The following MEGF10 variants were observed in gnomAD, a reference collection of about 807,000 sequenced individuals.
MEGF10 encodes multiple epidermal growth factor-like domains protein 10.
MEGF10 carries 86 observed loss-of-function variants against 147.5 expected under a neutral mutation model. The observed-to-expected ratio is 0.58, with a 90% CI of 0.49 to 0.70. The LOEUF (loss-of-function observed/expected upper bound fraction) is 0.70, where lower values mean the gene tolerates loss of function less well. Among genes scored for constraint, MEGF10 ranks in the 30% least tolerant of loss-of-function variants. The pLI is 0.00. For synonymous variants in MEGF10, 478 were observed against 525.5 expected, an observed-to-expected ratio of 0.91 and a Z score of 1.24; for missense variants, 1,329 against 1,487.3, an observed-to-expected ratio of 0.89 and a Z score of 1.75.
intron 5 of MEGF10, 81 bp from the exon 6 acceptor site, chr5:127,396,451 C>T: frequency 1.4e-6 from 2 of 1,462,896 alleles, no homozygotes; most frequent in East Asian, 2.4e-5. Flanking sequence ...TGAGAGGTCA[C>T]CAAGCCATTC....
intron 4 of MEGF10, among the ~76,000 whole-genome samples, chr5:127,354,962 T>C (rs1762228141): frequency 2.0e-5 from 3 of 152,076 alleles, no homozygotes; most frequent in Admixed American, 2.0e-4. Flanking sequence ...GAACTGAAGA[T>C]AGTTTCTTTC....
chr5:127,454,302 T>G (rs1261880252), intron 22 of MEGF10, among the ~76,000 whole-genome samples: 1 of 152,202 alleles, frequency 6.6e-6, no homozygotes, highest in African/African-American at 2.4e-5. Flanking sequence ...GTATACTGAT[T>G]TATCTCTGGG....
the MEGF10 span, among the ~76,000 whole-genome samples, chr5:127,238,802 T>C: frequency 1.3e-5 from 2 of 150,028 alleles, no homozygotes; most frequent in Non-Finnish European, 2.9e-5. Context: ...AAATGATCTG[T>C]GTAAATGTCT....
chr5:127,388,804 C>G (rs1763537848), intron 5 of MEGF10, among the ~76,000 whole-genome samples: 1 of 152,190 alleles, frequency 6.6e-6, no homozygotes, highest in African/African-American at 2.4e-5. Context: ...CTCAGCCTCC[C>G]AAAGTGCTGG....
chr5:127,311,843 TA>T (rs1487646562), intron 1 of MEGF10, among the ~76,000 whole-genome samples: 3 of 152,300 alleles, frequency 2.0e-5, no homozygotes, highest in African/African-American at 7.2e-5. Context: ...AATGCAACGT[TA>T]AATTCCTGAA....
chr5:127,427,060 A>C (rs1445217872), intron 13 of MEGF10, among the ~76,000 whole-genome samples: 1 of 152,242 alleles, frequency 6.6e-6, no homozygotes, highest in Non-Finnish European at 1.5e-5. Context: ...GAAATCCCTC[A>C]GGATGTACTC....
intron 19 of MEGF10, 43 bp downstream of exon 19, chr5:127,443,169 G>A (rs750696810): frequency 1.9e-6 from 3 of 1,569,106 alleles, no homozygotes; most frequent in Non-Finnish European, 1.7e-6. Context: ...AGTATTGTGT[G>A]AACACCATGT....
chr5:127,392,678 C>G (rs556414221), intron 5 of MEGF10, among the ~76,000 whole-genome samples: 1 of 152,144 alleles, frequency 6.6e-6, no homozygotes, highest in Admixed American at 6.5e-5. Context: ...GTACCCAGCC[C>G]GTGAATGTAA....
intron 4 of MEGF10, among the ~76,000 whole-genome samples, chr5:127,356,675 A>G (rs1204854500): frequency 3.3e-5 from 5 of 152,256 alleles, no homozygotes; most frequent in African/African-American, 1.2e-4. Context: ...AATGAAACAT[A>G]CATGTTGATC....
chr5:127,341,292 A>G (rs1291127336), intron 4 of MEGF10, among the ~76,000 whole-genome samples: 1 of 152,176 alleles, frequency 6.6e-6, no homozygotes, highest in African/African-American at 2.4e-5. Context: ...GGTCACTTAG[A>G]AGAGAGATCA....
chr5:127,413,110 A>G (rs551363596), intron 9 of MEGF10, among the ~76,000 whole-genome samples: 2 of 152,354 alleles, frequency 1.3e-5, no homozygotes, highest in South Asian at 4.2e-4. Context: ...GAGGTGTTGC[A>G]AAGAATTTGT....
At chr5:127,370,654 A>G (rs930798743) in intron 5 of MEGF10, among the ~76,000 whole-genome samples, 1 of 152,238 alleles carries the variant, frequency 6.6e-6, no homozygotes, top group African/African-American at 2.4e-5. Flanking sequence ...AGCAGTCTAC[A>G]CGTAACATTT....
chr5:127,327,583 C>T (rs1030900710), intron 1 of MEGF10, among the ~76,000 whole-genome samples: 14 of 152,058 alleles, frequency 9.2e-5, no homozygotes, highest in African/African-American at 3.4e-4. Context: ...GACTTTCCTT[C>T]TTCAGAGTAG....
rs27782 is a variant in MEGF10, at chr5:127,338,921, A to G, written c.117-199A>G. ...TAAAATTTACAGCACAAATCGTTGT[A>G]TTTTAAATGTATTGTTAAAATTGAT... On this transcript the variant is annotated intron_variant, in intron 2 of 24. Coordinates refer to ENST00000503335, the MANE Select transcript of MEGF10 (RefSeq NM_001256545.2). Among the ~76,000 whole-genome samples, 60,811 of 151,930 alleles carry G rather than the reference A, an allele frequency of 0.4. 13,637 individuals are homozygous for G. Among genetic ancestry groups the G allele is most frequent in the Middle Eastern group, 0.56 (164 of 294 alleles).
chr5:127,299,745 G>GT lies in MEGF10; in HGVS notation c.-19+8702dup, dbSNP rs35796097. ...GTGGCTTTTCTTTTCTTTCCTTTTTGTTTTTTTTTTTTTAAGTTAGGCACA... is the reference window on the plus strand; with the variant it reads ...GTGGCTTTTCTTTTCTTTCCTTTTTGTTTTTTTTTTTTTTAAGTTAGGCACA... On this transcript the variant is annotated intron_variant, in intron 1 of 24. Coordinates refer to ENST00000503335, the MANE Select transcript of MEGF10 (RefSeq NM_001256545.2). 2.1e-3 allele frequency among the ~76,000 whole-genome samples: 309 copies of GT among 146,112 alleles called. 1 individual carries two copies. Among genetic ancestry groups the GT allele is most frequent in the African/African-American group, 5.3e-3 (210 of 39,928 alleles).
intron 9 of MEGF10, among the ~76,000 whole-genome samples, chr5:127,416,919 TTGTTTTTGG>T (rs1446717860): frequency 6.6e-6 from 1 of 152,148 alleles, no homozygotes; most frequent in Non-Finnish European, 1.5e-5. Flanking sequence ...ACACAGGTGT[TTGTTTTTGG>T]CCCTAGTTAA....
At position 127,440,949 on chromosome 5, in the gene MEGF10, C is replaced by G. The variant is rs767269651; in HGVS notation, c.2362+82C>G. 1.1e-3 allele frequency: 1,654 copies of G among 1,531,204 alleles called. 1 individual carries two copies. Among genetic ancestry groups the G allele is most frequent in the Non-Finnish European group, 1.3e-3 (1,514 of 1,126,668 alleles). 94.9% of individuals were successfully genotyped at this position (1,531,204 alleles called of 1,614,324 possible). ...TCCTAGATGCCAGGAAATATTAAGGCAGAATTCACCACTCCGAGGTTGTTT... is the reference window on the plus strand; with the variant it reads ...TCCTAGATGCCAGGAAATATTAAGGGAGAATTCACCACTCCGAGGTTGTTT... On this transcript the variant is annotated intron_variant, in intron 18 of 24. Coordinates refer to ENST00000503335, the MANE Select transcript of MEGF10 (RefSeq NM_001256545.2).
chr5:127,396,823 T>C, intron 6 of MEGF10, 45 bp downstream of exon 6: 1 of 1,579,196 alleles, frequency 6.3e-7, no homozygotes, highest in Non-Finnish European at 8.6e-7. Context: ...CCACCCACCC[T>C]CTCCATTCAT....
At chr5:127,442,903 A>T in intron 18 of MEGF10, 95 bp from the exon 19 acceptor site, 1 of 1,335,210 alleles carries the variant, frequency 7.5e-7, no homozygotes, top group East Asian at 2.4e-5. Context: ...ATCCCCTGAA[A>T]GGACTCAGCT....
Sources: gnomAD v4.1 joint callset for allele counts (sites outside exome capture counted in the v4.1 genomes callset) on GRCh38, gnomAD v4.1.1 for gene constraint, MANE v1.5 for transcripts, NCBI Gene and HGNC (gene_info 2026-07-23, HGNC 2026-07-21) for gene names.